KLF8: variants seen among roughly 807,000 people sequenced by gnomAD.
KLF8 encodes the protein KLF transcription factor 8, also known as Krueppel-like factor 8.
KLF8 carries 10 observed loss-of-function variants against 18.2 expected under a neutral mutation model. The observed-to-expected ratio is 0.55, with a 90% CI of 0.34 to 0.93. The LOEUF is 0.93. Ranked by LOEUF, KLF8 falls within the 40% of genes least tolerant of loss-of-function variation. The pLI is 0.02. For synonymous variants in KLF8, 109 were observed against 97.3 expected (o/e 1.12, Z -0.71); for missense variants, 264 against 277.9 (o/e 0.95, Z 0.36).
chrX:55,924,077 A>T, the KLF8 span, among the ~76,000 whole-genome samples: 2 of 110,055 alleles, frequency 1.8e-5, no homozygotes, highest in African/African-American at 6.6e-5. Flanking sequence ...CGCACCCCTA[A>T]CATTTTTTTT....
chrX:56,110,469 A>G, the KLF8 span, among the ~76,000 whole-genome samples: 3 of 112,150 alleles, frequency 2.7e-5, no homozygotes, highest in African/African-American at 9.7e-5. Flanking sequence ...TAATGTGACT[A>G]CTAATCGGAA....
chrX:56,289,527 A>G lies in KLF8; in HGVS notation c.*5033A>G, dbSNP rs1366808184. ...ATATGCACATTCTATAAATATTTCT[A>G]TATGTAATCACCCAGATTTTTATTT... On this transcript the variant is annotated 3_prime_UTR_variant, in exon 6 of 6. Coordinates refer to ENST00000468660, the MANE Select transcript of KLF8 (RefSeq NM_007250.5). Among the ~76,000 whole-genome samples the G allele has an allele frequency of 1.8e-5, 2 of 111,720 alleles. No homozygotes were observed. Among genetic ancestry groups the G allele is most frequent in the Non-Finnish European group, 3.8e-5 (2 of 53,168 alleles).
chrX:56,223,175 T>C, the KLF8 span, among the ~76,000 whole-genome samples: 4 of 113,107 alleles, frequency 3.5e-5, no homozygotes, highest in Non-Finnish European at 7.5e-5. Flanking sequence ...GAGTGATATG[T>C]TATGTGATCT....
the KLF8 span, among the ~76,000 whole-genome samples, chrX:55,997,163 A>T: frequency 5.4e-5 from 6 of 111,777 alleles, 1 homozygote; most frequent in Admixed American, 5.7e-4. Context: ...AGGCTGATAT[A>T]CAGTAGGGGC....
At chrX:56,227,422 C>A (rs1233006072), upstream of KLF8, among the ~76,000 whole-genome samples, 1 of 109,166 alleles carries the variant, frequency 9.2e-6, no homozygotes, top group Non-Finnish European at 1.9e-5. Flanking sequence ...GCGACCTCAG[C>A]TCACTGCAAC....
chrX:55,960,006 T>A, the KLF8 span, among the ~76,000 whole-genome samples: 4 of 111,018 alleles, frequency 3.6e-5, no homozygotes, highest in Admixed American at 9.5e-5. Context: ...AAGGGGCAGG[T>A]CATGTACAAA....
the KLF8 span, among the ~76,000 whole-genome samples, chrX:56,012,138 G>T: frequency 9.0e-6 from 1 of 111,723 alleles, no homozygotes; most frequent in Non-Finnish European, 1.9e-5. Flanking sequence ...AAACCTAGCA[G>T]ATATACAACA....
intron 1 of KLF8, among the ~76,000 whole-genome samples, chrX:56,247,382 G>A (rs913838741): frequency 9.0e-6 from 1 of 111,652 alleles, no homozygotes; most frequent in Non-Finnish European, 1.9e-5. Context: ...AGTGAGTAGC[G>A]AGTGAATGTT....
the KLF8 span, among the ~76,000 whole-genome samples, chrX:56,105,769 G>C: frequency 3.6e-5 from 4 of 111,450 alleles, no homozygotes; most frequent in Non-Finnish European, 5.7e-5. Flanking sequence ...TATGATGTTA[G>C]GTAGTTATTT....
At chrX:56,215,858 A>G in the KLF8 span, among the ~76,000 whole-genome samples, 2 of 97,740 alleles carry the variant, frequency 2.0e-5, no homozygotes, top group Non-Finnish European at 4.1e-5. Flanking sequence ...AAAAAAAAAA[A>G]AAAAAGAAAA....
At chrX:56,036,854 A>C in the KLF8 span, among the ~76,000 whole-genome samples, 16 of 111,269 alleles carry the variant, frequency 1.4e-4, no homozygotes, top group South Asian at 3.7e-4. Context: ...ATTTTTTATG[A>C]GTGTTTTGTA....
At chrX:56,208,906 C>T in the KLF8 span, among the ~76,000 whole-genome samples, 13 of 111,878 alleles carry the variant, frequency 1.2e-4, no homozygotes, top group Non-Finnish European at 2.4e-4. Context: ...GAATTTTCCA[C>T]GTGCTAAAGA....
At chrX:56,200,191 C>T in the KLF8 span, among the ~76,000 whole-genome samples, 3 of 110,179 alleles carry the variant, frequency 2.7e-5, no homozygotes, top group Non-Finnish European at 5.7e-5. Context: ...TGTACCAAAC[C>T]TGCTCATTGT....
chrX:56,105,728 A>G, the KLF8 span, among the ~76,000 whole-genome samples: 2 of 111,200 alleles, frequency 1.8e-5, no homozygotes, highest in Admixed American at 9.6e-5. Context: ...TAATATTGTT[A>G]TGTGTGAATT....
the KLF8 span, among the ~76,000 whole-genome samples, chrX:56,053,668 G>C: frequency 9.3e-6 from 1 of 107,223 alleles, no homozygotes; most frequent in Admixed American, 1.0e-4. Context: ...CTATTTATTA[G>C]TGATTCACTT....
At chrX:56,017,888 ATTAATT>A in the KLF8 span, among the ~76,000 whole-genome samples, 1 of 111,557 alleles carries the variant, frequency 9.0e-6, no homozygotes, top group East Asian at 2.8e-4. Context: ...ATTTATTTTT[ATTAATT>A]TTAAATTCTT....
At chrX:56,053,566 G>C in the KLF8 span, among the ~76,000 whole-genome samples, 1 of 100,318 alleles carries the variant, frequency 1.0e-5, no homozygotes, top group South Asian at 4.9e-4. Context: ...TTGGGGAATA[G>C]TTTCAGCCGG....
the KLF8 span, among the ~76,000 whole-genome samples, chrX:56,176,091 A>G: frequency 1.8e-5 from 2 of 111,835 alleles, no homozygotes; most frequent in African/African-American, 6.5e-5. Flanking sequence ...CATTTAGCCC[A>G]TTTACATTTA....
chrX:56,003,510 T>C, the KLF8 span, among the ~76,000 whole-genome samples: 1 of 111,254 alleles, frequency 9.0e-6, no homozygotes. Flanking sequence ...TCAAGAGTGC[T>C]TAGCCCAGTG....
Sources: gnomAD v4.1 joint callset for allele counts (sites outside exome capture counted in the v4.1 genomes callset) on GRCh38, gnomAD v4.1.1 for gene constraint, MANE v1.5 for transcripts, NCBI Gene and HGNC (gene_info 2026-07-23, HGNC 2026-07-21) for gene names.